Variants in ADCK2 observed in about 807,000 individuals in gnomAD.
The protein encoded by ADCK2 is aarF domain containing kinase 2.
Under a neutral mutation model 52.3 loss-of-function variants are expected in ADCK2, and 37 were observed. The ratio of observed to expected loss-of-function variants is 0.71; its 90% CI spans 0.54 to 0.93. The LOEUF (loss-of-function observed/expected upper bound fraction) is 0.93, where lower values mean the gene tolerates loss of function less well. Ranked by LOEUF, ADCK2 falls within the 40% of genes least tolerant of loss-of-function variation. ADCK2 has a pLI of 0.00. For missense variants in ADCK2, 695 were observed against 798.7 expected (o/e 0.87, Z 1.56); for synonymous variants, 321 against 349.2 (o/e 0.92, Z 0.90).
At chr7:140,691,909 A>T (rs972689923) in intron 7 of ADCK2, among the ~76,000 whole-genome samples, 13 of 152,156 alleles carry the variant, frequency 8.5e-5, no homozygotes, top group Non-Finnish European at 1.6e-4. Context: ...CTCCCCACAC[A>T]GTTTCCAGCA....
In ADCK2 at chr7:140,689,635, G is replaced by A; in HGVS notation, c.1596G>A (p.Arg532=). Residue 532 remains arginine, a synonymous_variant, in exon 6 of 8, where the codon CGG becomes CGA. Transcript: ENST00000072869. ...CTGAGCTGATCCTGCATCATGCCCG[G>A]GCCAGCGAGTGCAGGGACGTGGAGG... ...RVAELILHHA[R]ASECRDVEGF... is the part of the protein sequence containing the mutation. 1 of 1,612,548 alleles carries A rather than the reference G, an allele frequency of 6.2e-7. No homozygotes were observed. Among genetic ancestry groups the A allele is most frequent in the South Asian group, 1.1e-5 (1 of 90,872 alleles).
intron 3 of ADCK2, among the ~76,000 whole-genome samples, chr7:140,680,355 G>A (rs1451995628): frequency 1.3e-5 from 2 of 151,900 alleles, no homozygotes; most frequent in Non-Finnish European, 2.9e-5. Context: ...GTTTCTCCCT[G>A]TTGCCCAGGC....
chr7:140,681,282 A>G, intron 4 of ADCK2, 145 bp downstream of exon 4: 1 of 689,848 alleles, frequency 1.4e-6, no homozygotes, highest in Non-Finnish European at 2.5e-6. Context: ...GAAAGAGTGG[A>G]GGCTACCATA....
rs1801673006 is a variant in ADCK2 at position 140,673,605 on chromosome 7, G to A, written c.275G>A (p.Gly92Asp). ...ESLPRAGPLG[G>D]VFLHLRLWLR... is the part of the protein sequence containing the mutation. ...CTCCCCCGAGCGGGACCTCTGGGCG[G>A]CGTCTTCCTGCATCTCCGCCTCTGG... The change falls in exon 1 of 8, where the codon GGC (glycine) becomes GAC (aspartate). Residue 92 changes from glycine (G) to aspartate (D), a missense_variant. Gly to Asp is a moderately conservative substitution (Grantham distance 94). Coordinates refer to ENST00000072869, the MANE Select transcript of ADCK2 (RefSeq NM_052853.4). The surrounding 1 kb of genome is among the most constrained non-coding windows in gnomAD (Gnocchi z 6.4). 7 of 1,607,978 alleles carry A rather than the reference G, an allele frequency of 4.4e-6. No homozygotes were observed. The highest frequency in any genetic ancestry group is 5.9e-6 in the Non-Finnish European group (7 of 1,179,860).
intron 5 of ADCK2, 98 bp from the exon 6 acceptor site, chr7:140,689,499 A>C: frequency 7.0e-7 from 1 of 1,423,440 alleles, no homozygotes; most frequent in Non-Finnish European, 9.5e-7. Flanking sequence ...ATGCCAGAAA[A>C]GTCAGGGTGG....
rs1409728975 is a variant in ADCK2 at position 140,680,968 on chromosome 7, G to T, written c.1210-74G>T. The T allele has an allele frequency of 3.0e-6, 4 of 1,332,876 alleles. No homozygotes were observed. In the East Asian group the frequency reaches 6.9e-5, roughly 23 times the overall value. 82.6% of individuals were successfully genotyped at this position (1,332,876 alleles called of 1,614,324 possible). A position where few individuals can be genotyped will look rare whatever the true frequency, so the allele number is the denominator to read the frequency against. On this transcript the variant is annotated intron_variant, in intron 3 of 7. Coordinates refer to ENST00000072869, the MANE Select transcript of ADCK2 (RefSeq NM_052853.4). Reference sequence around the variant, plus strand: ...CAATAAGTGAGAAGACAGCGCTGTGGTGCCACGTGGGAGGAGGAGCCAGCA... The same window carrying T: ...CAATAAGTGAGAAGACAGCGCTGTGTTGCCACGTGGGAGGAGGAGCCAGCA...
At position 140,673,238 on chromosome 7, in the gene ADCK2, G is replaced by A. The variant is rs1195709516; in HGVS notation, c.-93G>A. The A allele has an allele frequency of 1.8e-6, 2 of 1,140,520 alleles. No individual in the cohort carries two copies. Among genetic ancestry groups the A allele is most frequent in the Non-Finnish European group, 2.3e-6 (2 of 862,468 alleles). The allele number at this position is 1,140,520 out of a possible 1,614,324, so 70.7% of individuals were successfully genotyped here. ...CCCAGATGGGCAGCTCCGTCCGCGG[G>A]GTCAGGGCCGGGCTTCGGCTTCACC... is the stretch of plus-strand genomic sequence containing the variant. On this transcript the variant is annotated 5_prime_UTR_variant, in exon 1 of 8. Coordinates refer to ENST00000072869, the MANE Select transcript of ADCK2 (RefSeq NM_052853.4). The surrounding 1 kb of genome is among the most constrained non-coding windows in gnomAD (Gnocchi z 6.4).
chr7:140,684,439 G>A (rs536449899), intron 4 of ADCK2, among the ~76,000 whole-genome samples: 10 of 152,216 alleles, frequency 6.6e-5, no homozygotes, highest in South Asian at 6.2e-4. Context: ...TTAGATTGTC[G>A]GGGGTCTGGA....
At chr7:140,687,374 G>A in intron 5 of ADCK2, 133 bp downstream of exon 5, 1 of 1,245,578 alleles carries the variant, frequency 8.0e-7, no homozygotes, top group Non-Finnish European at 1.1e-6. Context: ...GAGCCCAGGA[G>A]TTCAAGGCCA....
chr7:140,687,249 G>A lies in ADCK2; in HGVS notation c.1557+8G>A, dbSNP rs1401854658. The A allele has an allele frequency of 9.7e-6, 15 of 1,545,756 alleles. No individual in the cohort carries two copies. The highest frequency in any genetic ancestry group is 1.2e-5 in the Non-Finnish European group (14 of 1,140,360). ...GCTGTGGTGATGGGGCAGGTGAGACGCACTGGGACCACAGAAGTTGGGGTG... is the reference window on the plus strand; with the variant it reads ...GCTGTGGTGATGGGGCAGGTGAGACACACTGGGACCACAGAAGTTGGGGTG... On this transcript the variant is annotated splice_region_variant and intron_variant, in intron 5 of 7. Coordinates refer to ENST00000072869, the MANE Select transcript of ADCK2 (RefSeq NM_052853.4).
At chr7:140,692,852 CA>C (rs1167374260) in intron 7 of ADCK2, among the ~76,000 whole-genome samples, 55 of 152,336 alleles carry the variant, frequency 3.6e-4, no homozygotes, top group African/African-American at 1.3e-3. Context: ...AGTTTTTAAA[CA>C]TATGCCCCAA....
intron 4 of ADCK2, 25 bp downstream of exon 4, chr7:140,681,162 C>A: frequency 6.2e-7 from 1 of 1,610,608 alleles, no homozygotes. Context: ...GGAGCGGGCT[C>A]AGGCCCAGCA....
chr7:140,673,495 G>A lies in ADCK2; in HGVS notation c.165G>A (p.Gly55=). The A allele has an allele frequency of 6.2e-7, 1 of 1,604,716 alleles. No homozygotes were observed. The highest frequency in any genetic ancestry group is 1.7e-5 in the Admixed American group (1 of 59,360). ...TGCCCAAGGTCGTCTCCCTGTGCGG[G>A]GACGTGGGTGAGGGGGCCCCTGACG... is the stretch of plus-strand genomic sequence containing the variant. ...GTLPKVVSLC[G]DVGEGAPDVL... Residue 55 remains glycine, a synonymous_variant, in exon 1 of 8, where the codon GGG becomes GGA. Coordinates refer to ENST00000072869, the MANE Select transcript of ADCK2 (RefSeq NM_052853.4). This position sits in a 1 kb window ranked among gnomAD's most constrained non-coding sequence, Gnocchi z 6.4.
chr7:140,673,506 A>AGG lies in ADCK2; in HGVS notation c.180_181dup (p.Ala61GlyfsTer6). On this transcript the variant is annotated frameshift_variant, in exon 1 of 8. Coordinates refer to ENST00000072869, the MANE Select transcript of ADCK2 (RefSeq NM_052853.4). LOFTEE classifies it high-confidence loss of function. The surrounding 1 kb of genome is among the most constrained non-coding windows in gnomAD (Gnocchi z 6.4). ...GTCTCCCTGTGCGGGGACGTGGGTG[A>AGG]GGGGGCCCCTGACGTTCTGAGTCGG... is the stretch of plus-strand genomic sequence containing the variant. The AGG allele has an allele frequency of 6.2e-7, 1 of 1,601,838 alleles. No homozygotes were observed.
At chr7:140,687,934 C>T (rs868691440) in intron 5 of ADCK2, among the ~76,000 whole-genome samples, 6 of 149,858 alleles carry the variant, frequency 4.0e-5, no homozygotes, top group Non-Finnish European at 5.9e-5. Context: ...TGCTATATTG[C>T]GCAGGCTGCC....
intron 7 of ADCK2, 137 bp downstream of exon 7, chr7:140,690,950 G>A: frequency 2.4e-6 from 2 of 833,876 alleles, no homozygotes; most frequent in Non-Finnish European, 1.9e-6. Context: ...TTTTGAGACA[G>A]AGTCTCACTC....
chr7:140,690,151 C>A (rs1278189824), intron 6 of ADCK2, among the ~76,000 whole-genome samples: 1 of 152,176 alleles, frequency 6.6e-6, no homozygotes, highest in Non-Finnish European at 1.5e-5. Context: ...ATGGGTCAGA[C>A]AAGGAGTGGC....
intron 7 of ADCK2, 151 bp downstream of exon 7, chr7:140,690,964 C>A (rs375731044): frequency 9.4e-6 from 7 of 747,354 alleles, no homozygotes; most frequent in Admixed American, 5.4e-5. Context: ...CTCACTCTGT[C>A]GCCCAGGGTG....
chr7:140,677,054 C>A (rs1054006738), intron 2 of ADCK2, among the ~76,000 whole-genome samples: 5 of 150,682 alleles, frequency 3.3e-5, no homozygotes, highest in Non-Finnish European at 7.4e-5. Flanking sequence ...AACAAACAAA[C>A]AAAAAACTCT....
Sources: gnomAD v4.1 joint callset for allele counts (sites outside exome capture counted in the v4.1 genomes callset) on GRCh38, gnomAD v4.1.1 for gene constraint, Gnocchi (gnomAD v3.1) non-coding constraint, MANE v1.5 for transcripts, NCBI Gene and HGNC (gene_info 2026-07-23, HGNC 2026-07-21) for gene names.